MUC20: variants seen among roughly 807,000 people sequenced by gnomAD.
MUC20 encodes mucin 20, cell surface associated, also known as mucin-20.
MUC20 carries 14 observed loss-of-function variants against 23.8 expected under a neutral mutation model. That is an observed-to-expected ratio of 0.59 (90% CI 0.39 to 0.92). The LOEUF (loss-of-function observed/expected upper bound fraction) is 0.92, where lower values mean the gene tolerates loss of function less well. Among genes scored for constraint, MUC20 ranks in the 40% least tolerant of loss-of-function variants. The pLI, the probability that MUC20 is intolerant of heterozygous loss-of-function variation, is 0.00. For synonymous variants in MUC20, 166 were observed against 279.3 expected (o/e 0.59, Z 4.04); for missense variants, 375 against 668.8 (o/e 0.56, Z 4.85).
At chr3:195,728,009 C>G (rs1464887128) in intron 2 of MUC20, among the ~76,000 whole-genome samples, 1 of 152,290 alleles carries the variant, frequency 6.6e-6, no homozygotes, top group South Asian at 2.1e-4. Context: ...ATGTTATCTC[C>G]TCTATTTAAC....
In MUC20 at chr3:195,726,436, T is replaced by C. The variant is rs1303925764; in HGVS notation, c.1833T>C (p.Pro611=). 6.2e-7 allele frequency: 1 copy of C among 1,613,902 alleles called. No individual in the cohort carries two copies. The highest frequency in any genetic ancestry group is 2.2e-5 in the East Asian group (1 of 44,908). ...PTSRDPLPSV[P]PTTTNSSRGT... is the part of the protein sequence containing the mutation. The stretch of plus-strand genomic sequence containing the variant: ...GCAGGGACCCTCTTCCTTCTGTCCC[T>C]CCGACTACAACCAACAGCAGCCGAG... Residue 611 remains proline, a synonymous_variant, in exon 2 of 4, where the codon CCT becomes CCC. Coordinates refer to ENST00000447234, the MANE Select transcript of MUC20 (RefSeq NM_001282506.2).
At chr3:195,723,615 A>C (rs2550225) in intron 1 of MUC20, among the ~76,000 whole-genome samples, 11,743 of 63,002 alleles carry the variant, frequency 0.19, 58 homozygotes, top group Non-Finnish European at 0.22. Context: ...TTTATCTGAA[A>C]TGCAAGTTCA....
intron 3 of MUC20, among the ~76,000 whole-genome samples, chr3:195,732,262 G>C (rs1350848122): frequency 6.6e-6 from 1 of 152,242 alleles, no homozygotes; most frequent in Non-Finnish European, 1.5e-5. Context: ...ACCCACCTCA[G>C]CCTCCCAAAG....
intron 3 of MUC20, 193 bp downstream of exon 3, chr3:195,729,932 A>G: frequency 1.6e-6 from 1 of 623,748 alleles, no homozygotes; most frequent in Non-Finnish European, 2.8e-6. Context: ...CGAGTTCTTC[A>G]TTTCCTTCTC....
At chr3:195,730,713 C>T (rs902444407) in intron 3 of MUC20, among the ~76,000 whole-genome samples, 1 of 152,202 alleles carries the variant, frequency 6.6e-6, no homozygotes, top group Non-Finnish European at 1.5e-5. Context: ...CAAGGGTCAC[C>T]ATGACTGACA....
intron 1 of MUC20, among the ~76,000 whole-genome samples, chr3:195,721,441 G>A (rs1336719331): frequency 6.6e-6 from 1 of 151,618 alleles, no homozygotes; most frequent in African/African-American, 2.4e-5. Flanking sequence ...CGGGGGTGCA[G>A]GGAGGTGCCA....
rs1361409659 is a variant in MUC20 at position 195,729,234 on chromosome 3, T to G, written c.1970-414T>G. 12 of 205,840 alleles carry G rather than the reference T, an allele frequency of 5.8e-5. No individual in the cohort carries two copies. In the Admixed American group the frequency reaches 6.6e-4, roughly 11 times the overall value. 12.8% of individuals were successfully genotyped at this position (205,840 alleles called of 1,614,324 possible). ...CAGTTCTCTCCACACATGTAACCCG[T>G]GAGATTGTCTCTTGTGTGTAATTTT... On this transcript the variant is annotated intron_variant, in intron 2 of 3. Transcript: ENST00000447234.
At chr3:195,731,913 C>T (rs1713427313) in intron 3 of MUC20, among the ~76,000 whole-genome samples, 2 of 152,252 alleles carry the variant, frequency 1.3e-5, no homozygotes, top group Non-Finnish European at 2.9e-5. Flanking sequence ...GTGACAAATG[C>T]CCCCGGCATG....
intron 2 of MUC20, among the ~76,000 whole-genome samples, chr3:195,728,429 G>T (rs1293729518): frequency 4.6e-5 from 7 of 152,268 alleles, no homozygotes; most frequent in Non-Finnish European, 1.0e-4. Context: ...GTGCACGTAG[G>T]CCAGATTTAT....
chr3:195,728,865 C>T (rs1315027368), intron 2 of MUC20, among the ~76,000 whole-genome samples: 1 of 152,214 alleles, frequency 6.6e-6, no homozygotes, highest in Non-Finnish European at 1.5e-5. Context: ...ACCAAGTATA[C>T]TGCTTGTAAA....
chr3:195,732,516 C>T (rs1472441984), intron 3 of MUC20, among the ~76,000 whole-genome samples: 1 of 152,196 alleles, frequency 6.6e-6, no homozygotes, highest in South Asian at 2.1e-4. Flanking sequence ...CACACTACCA[C>T]TCCTGGCTAA....
chr3:195,727,431 C>T (rs528211527), intron 2 of MUC20, among the ~76,000 whole-genome samples: 18 of 152,252 alleles, frequency 1.2e-4, no homozygotes, highest in Non-Finnish European at 2.1e-4. Flanking sequence ...TTTAAAGCTA[C>T]ATCTCTGAGG....
At chr3:195,727,433 T>C (rs1398356999) in intron 2 of MUC20, among the ~76,000 whole-genome samples, 1 of 152,250 alleles carries the variant, frequency 6.6e-6, no homozygotes, top group African/African-American at 2.4e-5. Flanking sequence ...TAAAGCTACA[T>C]CTCTGAGGCA....
chr3:195,723,548 TG>T (rs1250781496), intron 1 of MUC20, among the ~76,000 whole-genome samples: 1 of 124,380 alleles, frequency 8.0e-6, no homozygotes, highest in African/African-American at 3.5e-5. Context: ...TTTTTTTAAG[TG>T]TAAGTATGTA....
chr3:195,730,790 C>T (rs1052327452), intron 3 of MUC20, among the ~76,000 whole-genome samples: 26 of 152,194 alleles, frequency 1.7e-4, no homozygotes, highest in African/African-American at 5.1e-4. Flanking sequence ...CAGAAAAAAC[C>T]GCAGAGATGT....
At chr3:195,728,835 A>G (rs1713041038) in intron 2 of MUC20, among the ~76,000 whole-genome samples, 1 of 152,210 alleles carries the variant, frequency 6.6e-6, no homozygotes, top group Admixed American at 6.5e-5. Flanking sequence ...TATTGAGACT[A>G]GAGAATGGCG....
rs3828410 is a variant in MUC20, at chr3:195,726,143, G to A, written c.1540G>A (p.Gly514Arg). The stretch of plus-strand genomic sequence containing the variant: ...CACAGAAAGAGAAGTGACAGCACCC[G>A]GGGCCACGACCCTCAGTGGAGCTCT... ...SATEREVTAP[G>R]ATTLSGALVT... Residue 514 changes from glycine to arginine, a missense_variant, in exon 2 of 4, where the codon GGG becomes AGG. Physicochemically the swap from Gly to Arg is moderately radical, Grantham distance 125 (BLOSUM62 -2). This residue lies in a region of MUC20 where 343 missense variants were observed against 340.2 expected (regional missense o/e 1.01). Transcript: ENST00000447234. 194,330 of 1,563,980 alleles carry A rather than the reference G, an allele frequency of 0.12. 2,921 individuals are homozygous for A. The highest frequency in any genetic ancestry group is 0.41 in the East Asian group (17,565 of 42,860).
At chr3:195,728,220 G>T (rs537042801) in intron 2 of MUC20, among the ~76,000 whole-genome samples, 2 of 152,390 alleles carry the variant, frequency 1.3e-5, no homozygotes, top group Admixed American at 6.5e-5. Flanking sequence ...CCAGGGGACC[G>T]TCGCTCAGCA....
intron 2 of MUC20, among the ~76,000 whole-genome samples, chr3:195,727,583 C>A (rs552133386): frequency 6.6e-6 from 1 of 152,396 alleles, no homozygotes; most frequent in Admixed American, 6.5e-5. Context: ...CTTGTTACCA[C>A]CTTTCTGGGG....
Sources: allele counts gnomAD v4.1 joint callset (sites outside exome capture counted in the v4.1 genomes callset), GRCh38; gene constraint gnomAD v4.1.1; regional missense constraint gnomAD v4.1.1; transcripts MANE v1.5; gene names NCBI Gene and HGNC (gene_info 2026-07-23, HGNC 2026-07-21).